CLCC1: variants seen among roughly 807,000 people sequenced by gnomAD.
CLCC1 encodes chloride channel CLIC-like protein 1.
CLCC1 carries 39 observed loss-of-function variants against 63.3 expected under a neutral mutation model. The observed-to-expected ratio is 0.62, with a 90% CI of 0.48 to 0.81. The LOEUF is 0.81. Ranked by LOEUF, CLCC1 falls within the 30% of genes least tolerant of loss-of-function variation. The probability of loss-of-function intolerance (pLI) is 0.00; values close to 1 mark genes in which losing one functional copy is unlikely to be tolerated. For missense variants in CLCC1, 549 were observed against 669.4 expected (o/e 0.82, Z 1.98); for synonymous variants, 217 against 239.8 (o/e 0.90, Z 0.88).
chr1:108,939,418 T>C (rs1252328784), intron 10 of CLCC1, among the ~76,000 whole-genome samples: 1 of 151,142 alleles, frequency 6.6e-6, no homozygotes, highest in Non-Finnish European at 1.5e-5. Context: ...CCCGTTCTCC[T>C]GCCTCAGCCT....
At chr1:108,959,122 C>T (rs1342221381) in intron 2 of CLCC1, among the ~76,000 whole-genome samples, 3 of 152,080 alleles carry the variant, frequency 2.0e-5, no homozygotes, top group South Asian at 2.1e-4. Context: ...TGAGGTGAGC[C>T]GAGATCACGC....
chr1:108,952,170 C>G (rs576715124), intron 2 of CLCC1, among the ~76,000 whole-genome samples: 1 of 105,448 alleles, frequency 9.5e-6, no homozygotes, highest in South Asian at 2.6e-4. Context: ...GAATCTCCCC[C>G]CTATTTTTGG....
chr1:108,931,524 A>G lies in CLCC1; in HGVS notation c.*1023T>C. ...TGGGGATGTGGACCCCTATTCTTTC[A>G]AAAAGTCATTCAGGTGATTTGGATG... On this transcript the variant is annotated 3_prime_UTR_variant, in exon 13 of 13. Coordinates refer to ENST00000369969, the MANE Select transcript of CLCC1 (RefSeq NM_001377458.1). The G allele has an allele frequency of 6.6e-7, 1 of 1,526,592 alleles. No homozygotes were observed. Among genetic ancestry groups the G allele is most frequent in the Non-Finnish European group, 8.8e-7 (1 of 1,134,096 alleles). 94.6% of individuals were successfully genotyped at this position (1,526,592 alleles called of 1,614,324 possible).
chr1:108,940,022 T>C lies in CLCC1; in HGVS notation c.894+23A>G, dbSNP rs567779601. 5.2e-6 allele frequency: 8 copies of C among 1,546,364 alleles called. No individual in the cohort carries two copies. In the South Asian group the frequency reaches 9.4e-5, roughly 18 times the overall value. On this transcript the variant is annotated intron_variant, in intron 9 of 12. Coordinates refer to ENST00000369969, the MANE Select transcript of CLCC1 (RefSeq NM_001377458.1). ...GGGATTTCTGACTGACTTTAAGTAA[T>C]TTTTACAAAATATATGCTATACCTT...
chr1:108,946,674 C>CTTAG (rs1654581501), intron 5 of CLCC1, among the ~76,000 whole-genome samples: 1 of 152,010 alleles, frequency 6.6e-6, no homozygotes. Context: ...GTCTCTGACT[C>CTTAG]TCTAAGTCAA....
rs757425923 is a variant in CLCC1, at chr1:108,941,518, A to T, written c.703-20T>A. ...AGCTAGCTGCCCAACACCAAAAGGG[A>T]ACCAGGAGAGGCCGTTACCTATGAA... On this transcript the variant is annotated intron_variant, in intron 7 of 12. Transcript: ENST00000369969. 4 of 1,610,624 alleles carry T rather than the reference A, an allele frequency of 2.5e-6. No homozygotes were observed. The highest frequency in any genetic ancestry group is 3.4e-6 in the Non-Finnish European group (4 of 1,177,200).
rs147278394 is a variant in CLCC1 at position 108,961,891 on chromosome 1, A to G, written c.-12+418T>C. Among the ~76,000 whole-genome samples the G allele has an allele frequency of 1.2e-4, 18 of 152,298 alleles. No individual in the cohort carries two copies. The East Asian group carries it at 3.1e-3, about 26-fold the overall frequency. On this transcript the variant is annotated intron_variant, in intron 2 of 12. Transcript: ENST00000369969. Reference sequence around the variant, plus strand: ...AAAAAGTAGCTAATATTTTGTTACTATGTGCTAAGCACTGTTACATTAATT... The same window carrying G: ...AAAAAGTAGCTAATATTTTGTTACTGTGTGCTAAGCACTGTTACATTAATT...
chr1:108,951,424 A>C (rs533902315), intron 2 of CLCC1, among the ~76,000 whole-genome samples: 1 of 152,312 alleles, frequency 6.6e-6, no homozygotes, highest in African/African-American at 2.4e-5. Context: ...TTAACTGATA[A>C]ATAAAACTGG....
Position 108,931,404 on chromosome 1 carries a change from C to CACTG in CLCC1, c.*1139_*1142dup, listed in dbSNP as rs1557887052. ...TGGGACAGACTGGGACCTGGAGTAA[C>CACTG]ACTGGATCACAGACTGCAAAGGCCC... On this transcript the variant is annotated 3_prime_UTR_variant, in exon 13 of 13. Transcript: ENST00000369969. The CACTG allele has an allele frequency of 6.4e-7, 1 of 1,551,104 alleles. No homozygotes were observed. The highest frequency in any genetic ancestry group is 1.2e-5 in the South Asian group (1 of 84,060).
chr1:108,931,386 G>A lies in CLCC1; in HGVS notation c.*1161C>T. The stretch of plus-strand genomic sequence containing the variant: ...TGTAGCAAAAGACAAGTATGGGACA[G>A]ACTGGGACCTGGAGTAACACTGGAT... On this transcript the variant is annotated 3_prime_UTR_variant, in exon 13 of 13. Transcript: ENST00000369969. 1 of 1,551,220 alleles carries A rather than the reference G, an allele frequency of 6.4e-7. No individual in the cohort carries two copies. The highest frequency in any genetic ancestry group is 8.7e-7 in the Non-Finnish European group (1 of 1,147,142).
intron 10 of CLCC1, among the ~76,000 whole-genome samples, chr1:108,937,679 G>A (rs1330501636): frequency 6.6e-6 from 1 of 152,170 alleles, no homozygotes; most frequent in Non-Finnish European, 1.5e-5. Flanking sequence ...TATAACAATG[G>A]CAGGCTGAAG....
At chr1:108,940,308 C>T (rs1463292937) in intron 8 of CLCC1, among the ~76,000 whole-genome samples, 166 bp from the exon 9 acceptor site, 2 of 152,160 alleles carry the variant, frequency 1.3e-5, no homozygotes, top group African/African-American at 4.8e-5. Context: ...TTAAATTTTT[C>T]ATCTTATGTC....
At chr1:108,962,085 C>G (rs898958100) in intron 2 of CLCC1, among the ~76,000 whole-genome samples, 15 of 152,098 alleles carry the variant, frequency 9.9e-5, no homozygotes, top group African/African-American at 3.6e-4. Context: ...CTCTCAGGGG[C>G]TTCTCTGAGA....
At chr1:108,959,912 T>C (rs1656403774) in intron 2 of CLCC1, among the ~76,000 whole-genome samples, 1 of 152,204 alleles carries the variant, frequency 6.6e-6, no homozygotes, top group Non-Finnish European at 1.5e-5. Flanking sequence ...GGAGGAACAC[T>C]TGAGCCCAGG....
chr1:108,952,101 G>A (rs1655256478), intron 2 of CLCC1, among the ~76,000 whole-genome samples: 1 of 151,828 alleles, frequency 6.6e-6, no homozygotes, highest in Non-Finnish European at 1.5e-5. Flanking sequence ...TAAATGGGTG[G>A]ATTATATAGT....
At chr1:108,935,239 T>C (rs1395787877) in intron 11 of CLCC1, among the ~76,000 whole-genome samples, 1 of 152,230 alleles carries the variant, frequency 6.6e-6, no homozygotes, top group African/African-American at 2.4e-5. Context: ...CTGGTGAGAA[T>C]AATTCATTTG....
At chr1:108,961,564 T>C (rs1197189855) in intron 2 of CLCC1, among the ~76,000 whole-genome samples, 1 of 152,144 alleles carries the variant, frequency 6.6e-6, no homozygotes, top group Non-Finnish European at 1.5e-5. Context: ...ATAATATGTA[T>C]AATAGTAGCT....
chr1:108,937,928 G>A (rs1009767678), intron 10 of CLCC1, among the ~76,000 whole-genome samples: 9 of 152,028 alleles, frequency 5.9e-5, no homozygotes, highest in African/African-American at 2.2e-4. Context: ...TGTGGCCCAG[G>A]GACCCCCGGG....
chr1:108,959,150 G>A (rs757885726), intron 2 of CLCC1, among the ~76,000 whole-genome samples: 1 of 152,078 alleles, frequency 6.6e-6, no homozygotes, highest in Non-Finnish European at 1.5e-5. Flanking sequence ...CTCCAGCTTG[G>A]GCAACAACAG....
Sources: allele counts gnomAD v4.1 joint callset (sites outside exome capture counted in the v4.1 genomes callset), GRCh38; gene constraint gnomAD v4.1.1; transcripts MANE v1.5; gene names NCBI Gene and HGNC (gene_info 2026-07-23, HGNC 2026-07-21).